The following MTMR3 variants were observed in gnomAD, a reference collection of about 807,000 sequenced individuals.
MTMR3 encodes phosphatidylinositol-3,5-bisphosphate 3-phosphatase MTMR3.
A neutral mutation model predicts 132.4 loss-of-function variants in MTMR3; 32 were observed. The ratio of observed to expected loss-of-function variants is 0.24; its 90% confidence interval spans 0.18 to 0.32. MTMR3 has a LOEUF of 0.32. Among genes scored for constraint, MTMR3 ranks in the 10% least tolerant of loss-of-function variants. The pLI is 1.00. For synonymous variants in MTMR3, 556 were observed against 550.3 expected (o/e 1.01, Z -0.14); for missense variants, 1,216 against 1,489.6 (o/e 0.82, Z 3.02).
chr22:29,901,391 T>C (rs2065000280), intron 1 of MTMR3, among the ~76,000 whole-genome samples: 1 of 152,180 alleles, frequency 6.6e-6, no homozygotes, highest in South Asian at 2.1e-4. Flanking sequence ...GTGTTCTTGC[T>C]TCGGTGGTTT....
intron 2 of MTMR3, among the ~76,000 whole-genome samples, chr22:29,967,973 TTTTG>T (rs539961193): frequency 6.6e-6 from 1 of 152,000 alleles, no homozygotes; most frequent in Non-Finnish European, 1.5e-5. Context: ...TCCATTCACA[TTTTG>T]TTTGTCCATT....
At position 30,017,914 on chromosome 22, in the gene MTMR3, C is replaced by T. The variant is rs1186448501; in HGVS notation, c.1675-13C>T. The T allele has an allele frequency of 3.1e-6, 5 of 1,611,210 alleles. No homozygotes were observed. Among genetic ancestry groups the T allele is most frequent in the African/African-American group, 1.3e-5 (1 of 74,728 alleles). ...TGGGGCATATTTAAACCTGTGTCCT[C>T]CCCCCTCCTCAGGTGCTGTACCCTG... is the stretch of plus-strand genomic sequence containing the variant. On this transcript the variant is annotated splice_polypyrimidine_tract_variant and intron_variant, in intron 15 of 19. Coordinates refer to ENST00000401950, the MANE Select transcript of MTMR3 (RefSeq NM_021090.4).
intron 2 of MTMR3, among the ~76,000 whole-genome samples, chr22:29,969,966 C>G (rs1179106927): frequency 6.6e-6 from 1 of 152,208 alleles, no homozygotes; most frequent in East Asian, 1.9e-4. Flanking sequence ...TTATGCTGCA[C>G]ATTGAAGCCC....
In MTMR3 at chr22:30,019,473, C is replaced by T. The variant is rs1023175457; in HGVS notation, c.1821-7C>T. 6.3e-7 allele frequency: 1 copy of T among 1,590,178 alleles called. No individual in the cohort carries two copies. The highest frequency in any genetic ancestry group is 1.3e-5 in the African/African-American group (1 of 74,526). On this transcript the variant is annotated splice_region_variant and splice_polypyrimidine_tract_variant and intron_variant, in intron 16 of 19. Transcript: ENST00000401950. ...ATTTTCATTTCCCCCAAATTCCTTT[C>T]CTTTAGGCTACCAAAGACTAGATCA...
At chr22:29,955,325 A>G (rs2066166453) in intron 1 of MTMR3, among the ~76,000 whole-genome samples, 1 of 152,210 alleles carries the variant, frequency 6.6e-6, no homozygotes, top group African/African-American at 2.4e-5. Flanking sequence ...CCTTGCTCTA[A>G]TAAAAAGGAA....
At chr22:29,917,647 A>T (rs1270855331) in intron 1 of MTMR3, among the ~76,000 whole-genome samples, 1 of 152,250 alleles carries the variant, frequency 6.6e-6, no homozygotes, top group Non-Finnish European at 1.5e-5. Flanking sequence ...TTTCACTGGA[A>T]CAAGTCTTTG....
At chr22:29,910,163 C>CA (rs879637685) in intron 1 of MTMR3, among the ~76,000 whole-genome samples, 1,651 of 97,892 alleles carry the variant, frequency 0.017, 20 homozygotes, top group African/African-American at 0.05. Context: ...GACTCCATCT[C>CA]AAAAAAAAAA....
intron 5 of MTMR3, chr22:29,982,933 TTGTTTGTGTGTGTGTGTGTGTG>T (rs1188805904): frequency 2.8e-5 from 3 of 108,418 alleles, no homozygotes; most frequent in African/African-American, 1.4e-4. Flanking sequence ...GTTTAAAAGT[TTGTTTGTGTGTGTGTGTGTGTG>T]TGTGTGTGTG....
chr22:29,904,859 T>C (rs1446995138), intron 1 of MTMR3, among the ~76,000 whole-genome samples: 3 of 151,974 alleles, frequency 2.0e-5, no homozygotes, highest in East Asian at 3.9e-4. Flanking sequence ...TTAAACATGG[T>C]AGCAGTTAGA....
At chr22:29,891,385 TATATA>T (rs942742624) in intron 1 of MTMR3, among the ~76,000 whole-genome samples, 2 of 147,572 alleles carry the variant, frequency 1.4e-5, no homozygotes, top group African/African-American at 4.9e-5. Context: ...GTATACATAA[TATATA>T]ATATATATGT....
chr22:29,894,981 G>C (rs1314108770), intron 1 of MTMR3, among the ~76,000 whole-genome samples: 1 of 152,228 alleles, frequency 6.6e-6, no homozygotes, highest in African/African-American at 2.4e-5. Context: ...GGGAGGCCAA[G>C]GTGGGCAGGT....
rs115288998 is a variant in MTMR3 at position 29,938,035 on chromosome 22, G to A, written c.-137-19001G>A. Among the ~76,000 whole-genome samples the A allele has an allele frequency of 1.9e-3, 286 of 152,282 alleles. 3 individuals are homozygous for A. The highest frequency in any genetic ancestry group is 6.6e-3 in the African/African-American group (275 of 41,550). ...GCTGACAAGACCTTAAAAAACCAGA[G>A]TGTGGGCCAAGCTGGCTAAGACTGA... On this transcript the variant is annotated intron_variant, in intron 1 of 19. Coordinates refer to ENST00000401950, the MANE Select transcript of MTMR3 (RefSeq NM_021090.4).
intron 2 of MTMR3, among the ~76,000 whole-genome samples, chr22:29,967,319 C>T (rs953889849): frequency 2.6e-5 from 4 of 151,652 alleles, no homozygotes; most frequent in Non-Finnish European, 5.9e-5. Context: ...CTCACTGCAG[C>T]CTTGAACTCC....
chr22:30,023,338 T>C, intron 19 of MTMR3: 1 of 1,004,770 alleles, frequency 1.0e-6, no homozygotes, highest in Non-Finnish European at 1.6e-6. Context: ...GGATTGAAAA[T>C]GGAACAGTCT....
At position 29,945,205 on chromosome 22, in the gene MTMR3, G is replaced by A. The variant is rs184883424; in HGVS notation, c.-137-11831G>A. ...TTTTTCATAGAGGTGGGATTTTGCC[G>A]TGTTGCCCAGGCTGGTCTCGAACTC... On this transcript the variant is annotated intron_variant, in intron 1 of 19. Coordinates refer to ENST00000401950, the MANE Select transcript of MTMR3 (RefSeq NM_021090.4). 4.5e-3 allele frequency among the ~76,000 whole-genome samples: 686 copies of A among 152,162 alleles called. 6 individuals are homozygous for A. Among genetic ancestry groups the A allele is most frequent in the African/African-American group, 0.016 (645 of 41,528 alleles).
chr22:29,989,811 G>A (rs902451086), intron 6 of MTMR3: 8 of 151,984 alleles, frequency 5.3e-5, no homozygotes, highest in Non-Finnish European at 1.0e-4. Flanking sequence ...TAATTTCTGC[G>A]TTTTCTCTCT....
At position 29,969,857 on chromosome 22, in the gene MTMR3, C is replaced by T. The variant is rs987872176; in HGVS notation, c.-84-1119C>T. Among the ~76,000 whole-genome samples, 3 of 152,166 alleles carry T rather than the reference C, an allele frequency of 2.0e-5. No homozygotes were observed. The East Asian group carries it at 5.8e-4, about 29-fold the overall frequency. ...AATGATTCTTTAGAGTAAGTCATCT[C>T]CTACCATTCCTCTGCTCAAAATGCC... is the stretch of plus-strand genomic sequence containing the variant. On this transcript the variant is annotated intron_variant, in intron 2 of 19. Coordinates refer to ENST00000401950, the MANE Select transcript of MTMR3 (RefSeq NM_021090.4).
In MTMR3 at chr22:29,995,735, AG is replaced by A. The variant is rs1302696658; in HGVS notation, c.461-3025del. 2.6e-5 allele frequency: 4 copies of A among 152,336 alleles called. No homozygotes were observed. The East Asian group carries it at 7.7e-4, about 29-fold the overall frequency. 9.4% of individuals were successfully genotyped at this position (152,336 alleles called of 1,614,324 possible). A position where few individuals can be genotyped will look rare whatever the true frequency, so the allele number is the denominator to read the frequency against. ...TTAATGTTGAATTGATTGAGACCTG[AG>A]AATTCTGAGATGGAGATTTTTAAGG... On this transcript the variant is annotated intron_variant, in intron 7 of 19. Coordinates refer to ENST00000401950, the MANE Select transcript of MTMR3 (RefSeq NM_021090.4).
intron 1 of MTMR3, among the ~76,000 whole-genome samples, chr22:29,927,440 G>A (rs1015355189): frequency 2.0e-5 from 3 of 152,158 alleles, no homozygotes; most frequent in Admixed American, 6.5e-5. Context: ...TTGTCAGTTT[G>A]TTGTCACCTT....
Sources: allele counts gnomAD v4.1 joint callset (sites outside exome capture counted in the v4.1 genomes callset), GRCh38; gene constraint gnomAD v4.1.1; transcripts MANE v1.5; gene names NCBI Gene and HGNC (gene_info 2026-07-23, HGNC 2026-07-21).